CXCL13: variants seen among roughly 807,000 people sequenced by gnomAD.
CXCL13 encodes C-X-C motif chemokine ligand 13.
A neutral mutation model predicts 12.2 loss-of-function variants in CXCL13; 7 were observed. The observed-to-expected ratio is 0.57, with a 90% CI of 0.33 to 1.07. CXCL13 has a LOEUF of 1.07. Among genes scored for constraint, CXCL13 ranks in the 50% least tolerant of loss-of-function variants. The pLI is 0.04. For missense variants in CXCL13, 113 were observed against 127.4 expected (o/e 0.89, Z 0.55); for synonymous variants, 47 against 42.4 (o/e 1.11, Z -0.42).
intron 2 of CXCL13, among the ~76,000 whole-genome samples, chr4:77,609,374 A>G (rs1284486791): frequency 1.3e-5 from 2 of 151,774 alleles, no homozygotes; most frequent in African/African-American, 4.8e-5. Context: ...GTGCAGTGGC[A>G]CAGTCATGGC....
At chr4:77,587,297 T>G (rs1297431543) in intron 1 of CXCL13, among the ~76,000 whole-genome samples, 6 of 152,204 alleles carry the variant, frequency 3.9e-5, no homozygotes, top group Non-Finnish European at 7.3e-5. Context: ...TTCATTCACT[T>G]GTGCATTCAG....
intron 1 of CXCL13, among the ~76,000 whole-genome samples, chr4:77,545,515 A>C (rs1415096735): frequency 2.6e-5 from 4 of 152,124 alleles, no homozygotes; most frequent in Non-Finnish European, 5.9e-5. Context: ...AGCAATTGTG[A>C]ATGGGAGTTC....
chr4:77,522,611 G>A (rs1170704358), intron 1 of CXCL13, among the ~76,000 whole-genome samples: 1 of 141,342 alleles, frequency 7.1e-6, no homozygotes, highest in Non-Finnish European at 1.5e-5. Flanking sequence ...GTCTCTGCAT[G>A]TGAGATGGGT....
At chr4:77,555,266 T>G (rs1725634372) in intron 1 of CXCL13, among the ~76,000 whole-genome samples, 1 of 151,998 alleles carries the variant, frequency 6.6e-6, no homozygotes, top group Non-Finnish European at 1.5e-5. Flanking sequence ...AGTGGACTAT[T>G]ATGAACAAAT....
chr4:77,557,439 C>T lies in CXCL13; in HGVS notation c.-43+45651C>T, dbSNP rs75957809. ...CATGACTATATATTGAAGAAACTGC[C>T]GTCAACCTCCCAATCAGGCATCCTT... On this transcript the variant is annotated intron_variant, in intron 1 of 4. Transcript: ENST00000286758. Among the ~76,000 whole-genome samples the T allele has an allele frequency of 4.5e-3, 681 of 152,226 alleles. 18 individuals carry two copies. The highest frequency in any genetic ancestry group is 0.027 in the East Asian group (140 of 5,168).
intron 1 of CXCL13, among the ~76,000 whole-genome samples, chr4:77,599,409 A>G (rs1333543882): frequency 6.6e-6 from 1 of 152,244 alleles, no homozygotes; most frequent in Non-Finnish European, 1.5e-5. Context: ...TTTAGGGAAT[A>G]ATGACAAGAA....
chr4:77,527,901 G>T (rs1426456825), intron 1 of CXCL13, among the ~76,000 whole-genome samples: 1 of 152,076 alleles, frequency 6.6e-6, no homozygotes, highest in Admixed American at 6.6e-5. Flanking sequence ...TTAACATTAG[G>T]TATATCTCCT....
intron 1 of CXCL13, among the ~76,000 whole-genome samples, chr4:77,592,760 C>T (rs143433966): frequency 1.4e-3 from 211 of 152,272 alleles, no homozygotes; most frequent in African/African-American, 4.8e-3. Context: ...CATAGACTTT[C>T]ATCACTCAAG....
chr4:77,528,904 G>A (rs1311317200), intron 1 of CXCL13, among the ~76,000 whole-genome samples: 2 of 152,168 alleles, frequency 1.3e-5, no homozygotes, highest in Non-Finnish European at 1.5e-5. Flanking sequence ...GGGTTTAAAT[G>A]GTTTCAGGTC....
chr4:77,532,210 C>T (rs1009005021), intron 1 of CXCL13, among the ~76,000 whole-genome samples: 1 of 152,092 alleles, frequency 6.6e-6, no homozygotes, highest in Non-Finnish European at 1.5e-5. Context: ...ATGTTTAGTG[C>T]TTCCTTCAGT....
chr4:77,599,841 G>A (rs76149783), intron 1 of CXCL13, among the ~76,000 whole-genome samples: 11,090 of 152,266 alleles, frequency 0.073, 516 homozygotes, highest in Middle Eastern at 0.16. Flanking sequence ...AGAGCAGTTA[G>A]CAAGCTATTG....
intron 1 of CXCL13, among the ~76,000 whole-genome samples, chr4:77,517,697 G>C (rs924333543): frequency 6.6e-6 from 1 of 152,098 alleles, no homozygotes; most frequent in Non-Finnish European, 1.5e-5. Flanking sequence ...GAGCCTATGT[G>C]TGTCTCTGCA....
At chr4:77,585,468 G>A (rs1053017576) in intron 1 of CXCL13, among the ~76,000 whole-genome samples, 3 of 152,156 alleles carry the variant, frequency 2.0e-5, no homozygotes, top group Non-Finnish European at 4.4e-5. Context: ...CAGCCACATC[G>A]TGTGAGTCTT....
chr4:77,601,969 A>T (rs964130874), upstream of CXCL13, among the ~76,000 whole-genome samples: 1 of 152,240 alleles, frequency 6.6e-6, no homozygotes, highest in Admixed American at 6.5e-5. Context: ...GAGCAAACAG[A>T]TGTCAGATGT....
chr4:77,564,054 C>G (rs990887117), intron 1 of CXCL13, among the ~76,000 whole-genome samples: 2 of 152,158 alleles, frequency 1.3e-5, no homozygotes, highest in African/African-American at 4.8e-5. Flanking sequence ...TAATTGTGAA[C>G]AAGACACCCC....
intron 1 of CXCL13, among the ~76,000 whole-genome samples, chr4:77,598,901 G>A (rs1277451905): frequency 5.9e-5 from 9 of 151,778 alleles, no homozygotes; most frequent in East Asian, 1.9e-4. Context: ...TCTGCCTCCC[G>A]AGTTCAAGTG....
intron 1 of CXCL13, among the ~76,000 whole-genome samples, chr4:77,543,755 T>G (rs1560520824): frequency 6.6e-6 from 1 of 152,136 alleles, no homozygotes; most frequent in African/African-American, 2.4e-5. Flanking sequence ...TTTTATTTTT[T>G]AAATTATTAT....
rs563802649 is a variant in CXCL13, at chr4:77,534,261, A to G, written c.-43+22473A>G. On this transcript the variant is annotated intron_variant, in intron 1 of 4. Transcript: ENST00000286758. ...TTGCACTCCTGGGCATTCATCCCAC[A>G]TGAACACTATGTTCACACAAAAACC... 1.6e-3 allele frequency among the ~76,000 whole-genome samples: 238 copies of G among 151,958 alleles called. 2 individuals are homozygous for G. The highest frequency in any genetic ancestry group is 1.6e-3 in the Non-Finnish European group (111 of 68,034).
chr4:77,542,197 A>C (rs1725220059), intron 1 of CXCL13, among the ~76,000 whole-genome samples: 1 of 151,966 alleles, frequency 6.6e-6, no homozygotes, highest in Non-Finnish European at 1.5e-5. Context: ...TAGATGGCTT[A>C]CATTTTTTCT....
Sources: allele counts gnomAD v4.1 joint callset (sites outside exome capture counted in the v4.1 genomes callset), GRCh38; gene constraint gnomAD v4.1.1; transcripts MANE v1.5; gene names NCBI Gene and HGNC (gene_info 2026-07-23, HGNC 2026-07-21).